AKAP9: variants seen among roughly 807,000 people sequenced by gnomAD.
AKAP9 encodes the protein A-kinase anchoring protein 9, also known as A-kinase anchor protein 9.
A neutral mutation model predicts 488.5 loss-of-function variants in AKAP9; 311 were observed. The ratio of observed to expected loss-of-function variants is 0.64; its 90% CI spans 0.58 to 0.70. AKAP9 has a LOEUF of 0.70. Ranked by LOEUF, AKAP9 falls within the 30% of genes least tolerant of loss-of-function variation. The pLI is 0.00. For synonymous variants in AKAP9, 1,462 were observed against 1,483.5 expected, an observed-to-expected ratio of 0.99 and a Z score of 0.33; for missense variants, 4,215 against 4,374.5, an observed-to-expected ratio of 0.96 and a Z score of 1.03.
At chr7:92,107,508 C>T (rs1311547812) in intron 48 of AKAP9, 86 bp downstream of exon 48, 1 of 1,312,196 alleles carries the variant, frequency 7.6e-7, no homozygotes, top group Non-Finnish European at 1.1e-6. Flanking sequence ...GCTTTGACTT[C>T]TTTGCATTGA....
At chr7:92,079,001 C>T (rs1813068218) in intron 30 of AKAP9, 78 bp from the exon 31 acceptor site, 2 of 898,210 alleles carry the variant, frequency 2.2e-6, no homozygotes, top group African/African-American at 3.4e-5. Context: ...CTTTGAGGTA[C>T]TGCCCTAAAA....
chr7:92,035,815 G>T lies in AKAP9; in HGVS notation c.4339-2604G>T, dbSNP rs374622758. Among the ~76,000 whole-genome samples the T allele has an allele frequency of 4.0e-4, 61 of 152,214 alleles. 1 individual carries two copies. In the East Asian group the frequency reaches 4.2e-3, roughly 11 times the overall value. ...CAGTGGGAGAAGCAGGCTGTAGTGG[G>T]CTTATTTTATGTTGCCTGGAAGCAC... On this transcript the variant is annotated intron_variant, in intron 16 of 49. Transcript: ENST00000356239.
In AKAP9 at chr7:92,052,817, G is replaced by T. The variant is rs890787072; in HGVS notation, c.5460G>T (p.Glu1820Asp). 3.1e-6 allele frequency: 5 copies of T among 1,613,712 alleles called. No homozygotes were observed. The highest frequency in any genetic ancestry group is 4.2e-6 in the Non-Finnish European group (5 of 1,179,842). Residue 1820 changes from glutamate (E) to aspartate (D), a missense_variant, in exon 22 of 50, where the codon GAG (glutamate) becomes GAT (aspartate). Transcript: ENST00000356239. ...CAAAAGTAACTGAGGAAGGAACAGA[G>T]CTGTCACAACGACTTGTGAGGAGTG... Reference protein sequence around the residue: ...MWSKVTEEGTELSQRLVRSGF... With the variant: ...MWSKVTEEGTDLSQRLVRSGF...
chr7:91,981,459 A>G (rs1217455408), intron 3 of AKAP9, among the ~76,000 whole-genome samples: 1 of 152,290 alleles, frequency 6.6e-6, no homozygotes, highest in Admixed American at 6.5e-5. Flanking sequence ...TACAAATACT[A>G]TGCCATTAAG....
In AKAP9 at chr7:92,001,201, A is replaced by C; in HGVS notation, c.1284A>C (p.Arg428Ser). The C allele has an allele frequency of 6.2e-7, 1 of 1,614,082 alleles. No homozygotes were observed. The highest frequency in any genetic ancestry group is 2.2e-5 in the East Asian group (1 of 44,872). The change falls in exon 8 of 50, where the codon AGA (arginine) becomes AGC (serine). Residue 428 changes from arginine to serine, a missense_variant. Around this residue, in one of 5 missense-constraint regions of AKAP9, gnomAD observed 2,361 missense variants for 2,430.0 expected, o/e 0.97. Coordinates refer to ENST00000356239, the MANE Select transcript of AKAP9 (RefSeq NM_005751.5). ...AACGAATGGAACAAGAAACACAAAG[A>C]AAGTTAGAACAACTCCGGGCAGAGC... ...IVQRMEQETQ[R>S]KLEQLRAELD... is the part of the protein sequence containing the mutation.
chr7:92,050,575 G>A (rs573624314), intron 21 of AKAP9, among the ~76,000 whole-genome samples: 9 of 152,132 alleles, frequency 5.9e-5, no homozygotes, highest in African/African-American at 1.9e-4. Context: ...TTTGTCTGTT[G>A]GAACATCTCT....
rs1584040089 is a variant in AKAP9 at position 92,001,920 on chromosome 7, A to C, written c.2003A>C (p.Asp668Ala). ...GGCATTCACTATAAACAGCAGATAG[A>C]TGGTTTACAGAATGAAATGAGTCAA... ...NLGIHYKQQI[D>A]GLQNEMSQKI... Residue 668 changes from aspartate (D) to alanine (A), a missense_variant, in exon 8 of 50, where the codon GAT becomes GCT. By Grantham distance (126) the Asp-to-Ala change is moderately radical. Coordinates refer to ENST00000356239, the MANE Select transcript of AKAP9 (RefSeq NM_005751.5). 1.9e-6 allele frequency: 3 copies of C among 1,612,606 alleles called. No homozygotes were observed. The highest frequency in any genetic ancestry group is 2.7e-5 in the African/African-American group (2 of 75,020).
chr7:92,109,541 T>C (rs956278061), intron 49 of AKAP9, among the ~76,000 whole-genome samples: 49 of 152,340 alleles, frequency 3.2e-4, no homozygotes, highest in African/African-American at 1.1e-3. Flanking sequence ...CATCCAACTT[T>C]GAGAGCACTT....
intron 24 of AKAP9, among the ~76,000 whole-genome samples, chr7:92,063,107 C>T (rs993368410): frequency 1.6e-4 from 24 of 152,142 alleles, no homozygotes; most frequent in African/African-American, 5.8e-4. Flanking sequence ...ACCATGTCCT[C>T]TCACTTTTAT....
intron 11 of AKAP9, 113 bp from the exon 12 acceptor site, chr7:92,016,904 T>G (rs940988269): frequency 3.9e-6 from 3 of 761,168 alleles, no homozygotes; most frequent in Non-Finnish European, 6.8e-6. Flanking sequence ...ATATCTGAGG[T>G]TTACTTCTAG....
At chr7:92,106,873 G>A (rs1482311183) in intron 47 of AKAP9, among the ~76,000 whole-genome samples, 1 of 152,150 alleles carries the variant, frequency 6.6e-6, no homozygotes, top group Non-Finnish European at 1.5e-5. Flanking sequence ...AATAAGTTGT[G>A]TTTTATTAAA....
chr7:92,084,694 T>G lies in AKAP9; in HGVS notation c.8701T>G (p.Cys2901Gly), dbSNP rs752992593. 6.2e-7 allele frequency: 1 copy of G among 1,610,642 alleles called. No individual in the cohort carries two copies. The highest frequency in any genetic ancestry group is 2.2e-5 in the East Asian group (1 of 44,788). ...TGATGCTTACCAGACTAGAGAAATA[T>G]GCTCCAGTGGTAAGTTATATAAATA... is the stretch of plus-strand genomic sequence containing the variant. ...HSDAYQTREI[C>G]SSDSGSDWGQ... The change falls in exon 34 of 50, where the codon TGC (cysteine) becomes GGC (glycine). Residue 2901 changes from cysteine (C) to glycine (G), a missense_variant. This residue lies in a region of AKAP9 where 1,476 missense variants were observed against 1,477.4 expected (regional missense o/e 1.00). Coordinates refer to ENST00000356239, the MANE Select transcript of AKAP9 (RefSeq NM_005751.5).
At chr7:92,006,408 C>G (rs538341443) in intron 8 of AKAP9, among the ~76,000 whole-genome samples, 3 of 152,146 alleles carry the variant, frequency 2.0e-5, no homozygotes, top group Non-Finnish European at 4.4e-5. Context: ...GCCTTGGCCT[C>G]CTGAAATGCT....
intron 1 of AKAP9, among the ~76,000 whole-genome samples, chr7:91,950,036 A>T (rs1408927522): frequency 6.6e-6 from 1 of 152,122 alleles, no homozygotes; most frequent in African/African-American, 2.4e-5. Flanking sequence ...ACTTTACTAT[A>T]CAAAGTCCTA....
At chr7:92,105,181 C>A (rs1204819292) in intron 46 of AKAP9, among the ~76,000 whole-genome samples, 3 of 152,202 alleles carry the variant, frequency 2.0e-5, no homozygotes, top group African/African-American at 7.2e-5. Flanking sequence ...ATGAAGCTAA[C>A]ACTCCCATTC....
intron 35 of AKAP9, among the ~76,000 whole-genome samples, 163 bp from the exon 36 acceptor site, chr7:92,085,332 G>A (rs1030534119): frequency 2.3e-4 from 35 of 152,162 alleles, no homozygotes; most frequent in Admixed American, 2.2e-3. Context: ...GCCATCTGCT[G>A]GGGTTGGCTT....
At chr7:92,041,106 T>C (rs1806036657) in intron 18 of AKAP9, 1 of 516,534 alleles carries the variant, frequency 1.9e-6, no homozygotes, top group Non-Finnish European at 3.4e-6. Context: ...TAGGGACACC[T>C]ATCTCAACCT....
At position 92,074,894 on chromosome 7, in the gene AKAP9, G is replaced by C. The variant is rs143218596; in HGVS notation, c.6613-1961G>C. Among the ~76,000 whole-genome samples, 61 of 152,224 alleles carry C rather than the reference G, an allele frequency of 4.0e-4. No homozygotes were observed. In the Middle Eastern group the frequency reaches 0.01, roughly 25 times the overall value. On this transcript the variant is annotated intron_variant, in intron 28 of 49. Transcript: ENST00000356239. ...AGGGGTACAGGAGGGATAGCATTGG[G>C]AGAAACACCTAATGTAGATGACGGA...
At chr7:91,944,850 G>A (rs1791237544) in intron 1 of AKAP9, among the ~76,000 whole-genome samples, 1 of 152,248 alleles carries the variant, frequency 6.6e-6, no homozygotes, top group Non-Finnish European at 1.5e-5. Flanking sequence ...TCAGTGCAGA[G>A]TGTATAATAT....
Sources: gnomAD v4.1 joint callset for allele counts (sites outside exome capture counted in the v4.1 genomes callset) on GRCh38, gnomAD v4.1.1 for gene constraint, gnomAD v4.1.1 regional missense constraint, MANE v1.5 for transcripts, NCBI Gene and HGNC (gene_info 2026-07-23, HGNC 2026-07-21) for gene names.